The following PXYLP1 variants were observed in gnomAD, a reference collection of about 807,000 sequenced individuals.
PXYLP1 encodes the protein acid phosphatase-like 2.
PXYLP1 carries 17 observed loss-of-function variants against 37.9 expected under a neutral mutation model. That is an observed-to-expected ratio of 0.45 (90% CI 0.31 to 0.67). The LOEUF (loss-of-function observed/expected upper bound fraction) is 0.67. Ranked by LOEUF, PXYLP1 falls within the 30% of genes least tolerant of loss-of-function variation. The probability of loss-of-function intolerance (pLI) is 0.07; values close to 1 mark genes in which losing one functional copy is unlikely to be tolerated. For synonymous variants in PXYLP1, 221 were observed against 232.2 expected (o/e 0.95, Z 0.44); for missense variants, 511 against 612.0 (o/e 0.84, Z 1.74).
chr3:141,252,787 A>G (rs1165930306), intron 1 of PXYLP1, among the ~76,000 whole-genome samples: 3 of 151,968 alleles, frequency 2.0e-5, no homozygotes, highest in African/African-American at 7.3e-5. Context: ...AGGTCAAATC[A>G]CCCCTCACCA....
At chr3:141,255,250 A>G (rs1941239492) in intron 1 of PXYLP1, among the ~76,000 whole-genome samples, 1 of 152,320 alleles carries the variant, frequency 6.6e-6, no homozygotes, top group South Asian at 2.1e-4. Context: ...AATTCAGAGT[A>G]ATAATTCAAT....
intron 2 of PXYLP1, among the ~76,000 whole-genome samples, chr3:141,263,769 T>C (rs1361272997): frequency 2.0e-5 from 3 of 152,252 alleles, no homozygotes; most frequent in Non-Finnish European, 4.4e-5. Flanking sequence ...CTGTGTGTCC[T>C]ATTCCTTCTT....
intron 1 of PXYLP1, among the ~76,000 whole-genome samples, chr3:141,251,837 TG>T: frequency 6.6e-6 from 1 of 152,306 alleles, no homozygotes; most frequent in East Asian, 1.9e-4. Context: ...TTTCTAGAGT[TG>T]GGGAGAGGGA....
intron 1 of PXYLP1, among the ~76,000 whole-genome samples, chr3:141,239,887 C>T (rs1041100928): frequency 6.6e-6 from 1 of 152,246 alleles, no homozygotes; most frequent in Non-Finnish European, 1.5e-5. Flanking sequence ...CCCAGCTCAT[C>T]TGTAAAGCTT....
At chr3:141,241,017 GT>G (rs1394795210) in intron 1 of PXYLP1, among the ~76,000 whole-genome samples, 1 of 152,114 alleles carries the variant, frequency 6.6e-6, no homozygotes, top group Non-Finnish European at 1.5e-5. Context: ...AGAGCTCCCT[GT>G]TTTCAAGTGC....
chr3:141,238,155 A>T (rs1428088491), intron 1 of PXYLP1, among the ~76,000 whole-genome samples: 1 of 152,224 alleles, frequency 6.6e-6, no homozygotes, highest in Non-Finnish European at 1.5e-5. Flanking sequence ...CAGGTAGGGG[A>T]CTAGCCAGAG....
At chr3:141,252,893 C>T (rs772826504) in intron 1 of PXYLP1, among the ~76,000 whole-genome samples, 14 of 152,166 alleles carry the variant, frequency 9.2e-5, no homozygotes, top group Non-Finnish European at 1.6e-4. Context: ...AGGGGAGCCA[C>T]GCCTCATGAC....
intron 1 of PXYLP1, among the ~76,000 whole-genome samples, chr3:141,245,895 T>C (rs1940923586): frequency 6.6e-6 from 1 of 152,240 alleles, no homozygotes; most frequent in African/African-American, 2.4e-5. Context: ...CTGTTGTTGT[T>C]TGGATAGAGA....
At position 141,279,444 on chromosome 3, in the gene PXYLP1, C is replaced by A; in HGVS notation, c.305C>A (p.Pro102Gln). ...TTCATTCGCCACGGAGACAGGTACC[C>A]ACTGTATGTCATTCCCAAAACAAAG... is the stretch of plus-strand genomic sequence containing the variant. Reference protein sequence around the residue: ...HVFIRHGDRYPLYVIPKTKRP... With the variant: ...HVFIRHGDRYQLYVIPKTKRP... The change falls in exon 4 of 6, where the codon CCA (proline) becomes CAA (glutamine). Residue 102 changes from proline (P) to glutamine (Q), a missense_variant. By Grantham distance (76) the Pro-to-Gln change is moderately conservative. Coordinates refer to ENST00000286353, the MANE Select transcript of PXYLP1 (RefSeq NM_001037172.3). 6.2e-7 allele frequency: 1 copy of A among 1,614,206 alleles called. No homozygotes were observed. Among genetic ancestry groups the A allele is most frequent in the African/African-American group, 1.3e-5 (1 of 75,054 alleles).
At chr3:141,286,413 A>T (rs997119666) in intron 4 of PXYLP1, among the ~76,000 whole-genome samples, 2 of 152,206 alleles carry the variant, frequency 1.3e-5, no homozygotes, top group Non-Finnish European at 2.9e-5. Context: ...TGGTTATCTT[A>T]TTCAGTTAAC....
chr3:141,287,596 G>A, intron 5 of PXYLP1, 143 bp downstream of exon 5: 1 of 848,862 alleles, frequency 1.2e-6, no homozygotes, highest in Non-Finnish European at 1.6e-6. Flanking sequence ...CGGTCACCAG[G>A]GCCTCTAAAT....
intron 1 of PXYLP1, 139 bp from the exon 2 acceptor site, chr3:141,259,984 C>T (rs1438178378): frequency 3.2e-6 from 2 of 623,302 alleles, no homozygotes; most frequent in Admixed American, 5.7e-5. Context: ...CTGTTGTTCT[C>T]CAGCTAGAGA....
At chr3:141,234,153 T>TG (rs1940603062) in intron 1 of PXYLP1, 1 of 132,102 alleles carries the variant, frequency 7.6e-6, no homozygotes, top group African/African-American at 3.2e-5. Context: ...AATTCAACAG[T>TG]TTTTTTTTTT....
chr3:141,286,156 A>T (rs1352462355), intron 4 of PXYLP1, among the ~76,000 whole-genome samples: 1 of 152,160 alleles, frequency 6.6e-6, no homozygotes, highest in Non-Finnish European at 1.5e-5. Flanking sequence ...CAGCTGGAAA[A>T]TGTATATACA....
In PXYLP1 at chr3:141,292,621, A is replaced by G. The variant is rs1365141315; in HGVS notation, c.859A>G (p.Lys287Glu). Reference protein sequence around the residue: ...EMAKIVDVPTKQLRAANPIDS... With the variant: ...EMAKIVDVPTEQLRAANPIDS... ...GGCCAAGATCGTGGATGTCCCCACC[A>G]AGCAGCTTAGAGCTGCCAACCCCAT... is the stretch of plus-strand genomic sequence containing the variant. Residue 287 changes from lysine to glutamate, a missense_variant, in exon 6 of 6, where the codon AAG becomes GAG. Transcript: ENST00000286353. The surrounding 1 kb of genome is among the most constrained non-coding windows in gnomAD (Gnocchi z 4.3). The G allele has an allele frequency of 1.9e-6, 3 of 1,613,824 alleles. No individual in the cohort carries two copies. Among genetic ancestry groups the G allele is most frequent in the South Asian group, 1.1e-5 (1 of 91,070 alleles).
intron 2 of PXYLP1, among the ~76,000 whole-genome samples, chr3:141,263,694 G>C (rs1444683173): frequency 2.6e-5 from 4 of 152,170 alleles, no homozygotes; most frequent in African/African-American, 9.7e-5. Flanking sequence ...TCCCAAAATG[G>C]TGTTGTGACA....
At chr3:141,281,419 G>A (rs960535637) in intron 4 of PXYLP1, among the ~76,000 whole-genome samples, 4 of 152,204 alleles carry the variant, frequency 2.6e-5, no homozygotes, top group Admixed American at 6.5e-5. Context: ...AAGAAAGGCC[G>A]CTTGTTGGGG....
At chr3:141,286,370 C>T (rs1576606698) in intron 4 of PXYLP1, among the ~76,000 whole-genome samples, 2 of 152,144 alleles carry the variant, frequency 1.3e-5, no homozygotes, top group East Asian at 1.9e-4. Flanking sequence ...ATGTCCAAAA[C>T]GTGGAGTGGA....
intron 5 of PXYLP1, among the ~76,000 whole-genome samples, chr3:141,289,557 G>A (rs1942154538): frequency 6.6e-6 from 1 of 152,144 alleles, no homozygotes; most frequent in African/African-American, 2.4e-5. Flanking sequence ...GCAAAAAAAG[G>A]AAATTTATTA....
Sources: allele counts gnomAD v4.1 joint callset (sites outside exome capture counted in the v4.1 genomes callset), GRCh38; gene constraint gnomAD v4.1.1; non-coding constraint Gnocchi (gnomAD v3.1); transcripts MANE v1.5; gene names NCBI Gene and HGNC (gene_info 2026-07-23, HGNC 2026-07-21).